CSMD1: variants seen among roughly 807,000 people sequenced by gnomAD.
CSMD1 encodes the protein CUB and sushi domain-containing protein 1.
Under a neutral mutation model 417.5 loss-of-function variants are expected in CSMD1, and 213 were observed. The ratio of observed to expected loss-of-function variants is 0.51; its 90% confidence interval spans 0.46 to 0.57. CSMD1 has a LOEUF of 0.57. Among genes scored for constraint, CSMD1 ranks in the 20% least tolerant of loss-of-function variants. The pLI is 0.00. For synonymous variants in CSMD1, 2,862 were observed against 1,736.8 expected (o/e 1.65, Z -16.11); for missense variants, 6,923 against 4,529.7 (o/e 1.53, Z -15.17).
At chr8:4,024,984 T>G (rs1209578882) in intron 4 of CSMD1, among the ~76,000 whole-genome samples, 5 of 152,214 alleles carry the variant, frequency 3.3e-5, no homozygotes, top group African/African-American at 1.2e-4. Flanking sequence ...GGGCTAGGCC[T>G]GGGTGGGTTT....
chr8:4,681,734 C>G (rs1169775568), intron 1 of CSMD1, among the ~76,000 whole-genome samples: 1 of 152,054 alleles, frequency 6.6e-6, no homozygotes, highest in East Asian at 1.9e-4. Flanking sequence ...GAAGCCTAGA[C>G]CTATTGTGAA....
chr8:3,620,396 T>C (rs949602843), intron 7 of CSMD1, among the ~76,000 whole-genome samples: 3 of 152,144 alleles, frequency 2.0e-5, no homozygotes, highest in African/African-American at 7.2e-5. Context: ...AGTATTATAC[T>C]AAGTTTGACT....
chr8:3,061,838 AT>A (rs374671868), intron 49 of CSMD1, among the ~76,000 whole-genome samples: 2 of 151,888 alleles, frequency 1.3e-5, no homozygotes, highest in Admixed American at 6.6e-5. Flanking sequence ...GATAGACTCT[AT>A]TTTTTTTATT....
chr8:3,055,905 A>C (rs1338654481), intron 49 of CSMD1, among the ~76,000 whole-genome samples: 1 of 152,216 alleles, frequency 6.6e-6, no homozygotes, highest in Non-Finnish European at 1.5e-5. Flanking sequence ...CAGGTTATTA[A>C]GACCTATGTC....
chr8:3,381,643 T>G lies in CSMD1; in HGVS notation c.2782+5851A>C, dbSNP rs144343807. Reference sequence around the variant, plus strand: ...AATTATAATTAGCCAGTAGTTATCATCCTTCTGACACTAAAAATTATACAG... The same window carrying G: ...AATTATAATTAGCCAGTAGTTATCAGCCTTCTGACACTAAAAATTATACAG... On this transcript the variant is annotated intron_variant, in intron 18 of 69. Transcript: ENST00000635120. Among the ~76,000 whole-genome samples, 822 of 152,310 alleles carry G rather than the reference T, an allele frequency of 5.4e-3. 6 individuals carry two copies. The highest frequency in any genetic ancestry group is 0.018 in the African/African-American group (740 of 41,576).
intron 12 of CSMD1, among the ~76,000 whole-genome samples, chr8:3,466,941 G>A (rs1816822576): frequency 6.6e-6 from 1 of 151,970 alleles, no homozygotes; most frequent in African/African-American, 2.4e-5. Flanking sequence ...ATTGGTTAAT[G>A]GTTTTAATTA....
At chr8:3,319,469 A>T (rs554098539) in intron 23 of CSMD1, among the ~76,000 whole-genome samples, 1 of 152,382 alleles carries the variant, frequency 6.6e-6, no homozygotes, top group African/African-American at 2.4e-5. Flanking sequence ...GAGCCAATAT[A>T]TAGAAAAAGG....
chr8:4,558,589 C>A (rs1327471497), intron 2 of CSMD1, among the ~76,000 whole-genome samples: 2 of 152,056 alleles, frequency 1.3e-5, no homozygotes, highest in African/African-American at 4.8e-5. Context: ...AGACTTTGGC[C>A]AGACACATGG....
chr8:4,107,035 A>G (rs968323784), intron 3 of CSMD1, among the ~76,000 whole-genome samples: 15 of 152,190 alleles, frequency 9.9e-5, no homozygotes, highest in Non-Finnish European at 1.8e-4. Flanking sequence ...GAGCTGCCAC[A>G]TATCACGCGG....
chr8:3,530,452 T>G (rs1797930434), intron 10 of CSMD1, among the ~76,000 whole-genome samples: 1 of 152,196 alleles, frequency 6.6e-6, no homozygotes. Context: ...TTCCACATAT[T>G]TGTAAATTTC....
intron 1 of CSMD1, among the ~76,000 whole-genome samples, chr8:4,682,507 G>T (rs111786422): frequency 6.4e-4 from 97 of 152,076 alleles, no homozygotes; most frequent in African/African-American, 2.1e-3. Context: ...ACAGGAAAAA[G>T]AATGTTTTTC....
chr8:4,418,684 T>G (rs1253702007), intron 3 of CSMD1, among the ~76,000 whole-genome samples: 1 of 152,186 alleles, frequency 6.6e-6, no homozygotes, highest in Non-Finnish European at 1.5e-5. Context: ...AATTTAGAGT[T>G]TATATGAAGT....
intron 4 of CSMD1, among the ~76,000 whole-genome samples, chr8:4,005,514 C>A (rs1356446043): frequency 6.6e-6 from 1 of 152,206 alleles, no homozygotes; most frequent in Non-Finnish European, 1.5e-5. Flanking sequence ...TGGCGATACA[C>A]TTGCCTTTCT....
intron 3 of CSMD1, among the ~76,000 whole-genome samples, chr8:4,216,262 C>G (rs1800661498): frequency 1.3e-5 from 2 of 152,080 alleles, no homozygotes; most frequent in African/African-American, 4.8e-5. Context: ...TCCTTTCACT[C>G]TACGAGACCT....
Position 4,013,833 on chromosome 8 carries a change from T to C in CSMD1, c.611-15723A>G, listed in dbSNP as rs140871383. ...CTGTTTAGGTGGTGTCTATGGGGTC[T>C]TTTGATCTACAGTGACAGACAAGGG... On this transcript the variant is annotated intron_variant, in intron 4 of 69. Transcript: ENST00000635120. 7.7e-3 allele frequency among the ~76,000 whole-genome samples: 1,180 copies of C among 152,280 alleles called. 21 individuals are homozygous for C. The highest frequency in any genetic ancestry group is 0.027 in the African/African-American group (1,101 of 41,542).
At chr8:4,397,523 C>CTTTTTTTTTTTTTTTTTTTTTTTTTTTTT (rs57745028) in intron 3 of CSMD1, among the ~76,000 whole-genome samples, 1 of 59,934 alleles carries the variant, frequency 1.7e-5, no homozygotes, top group African/African-American at 6.1e-5. Flanking sequence ...GCCTGAGACT[C>CTTTTTTTTTTTTTTTTTTTTTTTTTTTTT]TTTTTTTTTT....
chr8:3,885,409 C>T (rs957378862), intron 5 of CSMD1, among the ~76,000 whole-genome samples: 2 of 152,062 alleles, frequency 1.3e-5, no homozygotes, highest in Non-Finnish European at 2.9e-5. Flanking sequence ...GTTATGAGGA[C>T]AATATCCCAT....
intron 3 of CSMD1, among the ~76,000 whole-genome samples, chr8:4,192,966 A>AT (rs1284736848): frequency 6.6e-6 from 1 of 152,210 alleles, no homozygotes; most frequent in African/African-American, 2.4e-5. Context: ...TATTTTCATA[A>AT]TATTTGAGTG....
At chr8:4,829,057 G>A (rs764128819) in intron 1 of CSMD1, among the ~76,000 whole-genome samples, 2 of 152,112 alleles carry the variant, frequency 1.3e-5, no homozygotes, top group Admixed American at 1.3e-4. Context: ...TAACTTAATA[G>A]GTTACCTTTC....
Sources: allele counts gnomAD v4.1 joint callset (sites outside exome capture counted in the v4.1 genomes callset), GRCh38; gene constraint gnomAD v4.1.1; transcripts MANE v1.5; gene names NCBI Gene and HGNC (gene_info 2026-07-23, HGNC 2026-07-21).